UBE2W: variants seen among roughly 807,000 people sequenced by gnomAD.
UBE2W encodes ubiquitin conjugating enzyme E2 W, also known as ubiquitin-conjugating enzyme E2 W.
In UBE2W, 18 loss-of-function variants were observed where a neutral mutation model predicts 27.2. The observed-to-expected ratio is 0.66, with a 90% confidence interval of 0.46 to 0.98. UBE2W has a LOEUF of 0.98. Among genes scored for constraint, UBE2W ranks in the 50% least tolerant of loss-of-function variants. The pLI is 0.00. For missense variants in UBE2W, 90 were observed against 180.2 expected (o/e 0.50, Z 2.87); for synonymous variants, 53 against 57.2 (o/e 0.93, Z 0.33).
intron 1 of UBE2W, among the ~76,000 whole-genome samples, chr8:73,858,242 T>C (rs981035669): frequency 1.3e-5 from 2 of 151,756 alleles, no homozygotes; most frequent in Non-Finnish European, 2.9e-5. Context: ...ACACCTACAG[T>C]TCCAGCTACT....
At position 73,873,473 on chromosome 8, in the gene UBE2W, C is replaced by T. The variant is rs996253589; in HGVS notation, c.15+5335G>A. ...TGGAGTTCAAGGCCAACTTGAGCAA[C>T]AGGGAAAAAACCCATCTCTACAAAA... On this transcript the variant is annotated intron_variant, in intron 1 of 5. Transcript: ENST00000602593. Among the ~76,000 whole-genome samples, 7 of 152,090 alleles carry T rather than the reference C, an allele frequency of 4.6e-5. No homozygotes were observed. In the East Asian group the frequency reaches 7.7e-4, roughly 17 times the overall value.
chr8:73,794,226 C>T, intron 5 of UBE2W, 111 bp from the exon 6 acceptor site: 1 of 1,317,438 alleles, frequency 7.6e-7, no homozygotes, highest in Non-Finnish European at 1.0e-6. Context: ...ACATAGTTTA[C>T]ATGTCTGATC....
Position 73,790,812 on chromosome 8 carries a change from A to G in UBE2W, c.*3290T>C. 1 of 984,694 alleles carries G rather than the reference A, an allele frequency of 1.0e-6. No individual in the cohort carries two copies. The highest frequency in any genetic ancestry group is 1.2e-6 in the Non-Finnish European group (1 of 829,244). The allele number at this position is 984,694 out of a possible 1,614,324, so 61.0% of individuals were successfully genotyped here. ...CATTTTCATATCACTACTCATTTCC[A>G]TTATTTACCAATTCATCTTTGATGC... is the stretch of plus-strand genomic sequence containing the variant. On this transcript the variant is annotated 3_prime_UTR_variant, in exon 6 of 6. Transcript: ENST00000602593.
Position 73,850,675 on chromosome 8 carries a change from A to C in UBE2W, c.16-20203T>G, listed in dbSNP as rs184332690. Among the ~76,000 whole-genome samples, 357 of 149,574 alleles carry C rather than the reference A, an allele frequency of 2.4e-3. 1 individual carries two copies. The highest frequency in any genetic ancestry group is 7.9e-3 in the African/African-American group (322 of 40,798). ...AAGGATTACAAACATAAAATCCAAG[A>C]CAGCAATTTACTGTGGGAAGGAAAT... On this transcript the variant is annotated intron_variant, in intron 1 of 5. Coordinates refer to ENST00000602593, the MANE Select transcript of UBE2W (RefSeq NM_018299.6).
intron 3 of UBE2W, among the ~76,000 whole-genome samples, chr8:73,818,891 C>T (rs1462982524): frequency 6.6e-6 from 1 of 152,204 alleles, no homozygotes; most frequent in Admixed American, 6.5e-5. Flanking sequence ...TGGCACTATG[C>T]TTCTTGTACA....
chr8:73,792,370 C>A lies in UBE2W; in HGVS notation c.*1732G>T. 4.1e-6 allele frequency: 4 copies of A among 984,826 alleles called. No individual in the cohort carries two copies. The highest frequency in any genetic ancestry group is 4.8e-6 in the Non-Finnish European group (4 of 829,584). The allele number at this position is 984,826 out of a possible 1,614,324, so 61.0% of individuals were successfully genotyped here. A position where few individuals can be genotyped will look rare whatever the true frequency, so the allele number is the denominator to read the frequency against. ...TTTAATTTTTTTTTTCAAGTTATTT[C>A]TATAGCAGACATATTTTTGAAGTCT... On this transcript the variant is annotated 3_prime_UTR_variant, in exon 6 of 6. Transcript: ENST00000602593.
In UBE2W at chr8:73,790,922, T is replaced by G; in HGVS notation, c.*3180A>C. The G allele has an allele frequency of 1.0e-6, 1 of 980,828 alleles. No individual in the cohort carries two copies. The highest frequency in any genetic ancestry group is 1.2e-6 in the Non-Finnish European group (1 of 825,758). 60.8% of individuals were successfully genotyped at this position (980,828 alleles called of 1,614,324 possible). ...TCCACCACAGGAATCTAATGATATA[T>G]ATATTTGCATATATTTAAAATTTCA... On this transcript the variant is annotated 3_prime_UTR_variant, in exon 6 of 6. Transcript: ENST00000602593.
rs1808213068 is a variant in UBE2W, at chr8:73,791,769, T to C, written c.*2333A>G. On this transcript the variant is annotated 3_prime_UTR_variant, in exon 6 of 6. Coordinates refer to ENST00000602593, the MANE Select transcript of UBE2W (RefSeq NM_018299.6). ...TCCTATATTTTAGGATATTTCATCT[T>C]ATTTTCTACTCTTTAAACCATAAGA... The C allele has an allele frequency of 1.6e-5, 16 of 984,810 alleles. No individual in the cohort carries two copies. The highest frequency in any genetic ancestry group is 1.4e-5 in the Non-Finnish European group (12 of 829,468). The allele number at this position is 984,810 out of a possible 1,614,324, so 61.0% of individuals were successfully genotyped here.
intron 4 of UBE2W, among the ~76,000 whole-genome samples, chr8:73,808,954 T>G (rs1809032197): frequency 6.6e-6 from 1 of 152,182 alleles, no homozygotes; most frequent in Admixed American, 6.5e-5. Flanking sequence ...CTAATAATCA[T>G]GAGGCACATG....
At chr8:73,847,850 C>G (rs1810880982) in intron 1 of UBE2W, among the ~76,000 whole-genome samples, 1 of 151,570 alleles carries the variant, frequency 6.6e-6, no homozygotes, top group Non-Finnish European at 1.5e-5. Flanking sequence ...TGCCATGAGC[C>G]AAGATTGTGC....
intron 1 of UBE2W, among the ~76,000 whole-genome samples, chr8:73,837,923 A>C (rs1004384115): frequency 1.3e-5 from 2 of 151,946 alleles, no homozygotes; most frequent in Non-Finnish European, 2.9e-5. Flanking sequence ...ATTCCAGAAG[A>C]GGCTGTTTCC....
At chr8:73,837,645 G>A (rs1810363456) in intron 1 of UBE2W, among the ~76,000 whole-genome samples, 1 of 152,176 alleles carries the variant, frequency 6.6e-6, no homozygotes. Flanking sequence ...GTAGAGACAG[G>A]TTTTAGCTGT....
At chr8:73,845,791 G>C (rs1242005341) in intron 1 of UBE2W, among the ~76,000 whole-genome samples, 2 of 151,622 alleles carry the variant, frequency 1.3e-5, no homozygotes, top group African/African-American at 4.9e-5. Flanking sequence ...AAATTAGAAG[G>C]CTACCATTTT....
intron 1 of UBE2W, among the ~76,000 whole-genome samples, chr8:73,865,870 G>A (rs1811733757): frequency 6.6e-6 from 1 of 152,128 alleles, no homozygotes; most frequent in Non-Finnish European, 1.5e-5. Context: ...AGGCAAGGTG[G>A]TTATACTAGA....
intron 5 of UBE2W, among the ~76,000 whole-genome samples, chr8:73,803,853 G>T (rs1157390524): frequency 6.7e-6 from 1 of 150,012 alleles, no homozygotes; most frequent in Non-Finnish European, 1.5e-5. Context: ...TATGAGCTCC[G>T]CCTCCTGGGT....
At chr8:73,833,918 G>A (rs998392730) in intron 1 of UBE2W, 8 of 152,042 alleles carry the variant, frequency 5.3e-5, no homozygotes, top group African/African-American at 1.9e-4. Flanking sequence ...CCTCGCTCCC[G>A]AGAGGTCACC....
intron 3 of UBE2W, among the ~76,000 whole-genome samples, chr8:73,821,330 G>A (rs893922074): frequency 4.6e-5 from 7 of 151,988 alleles, no homozygotes; most frequent in Non-Finnish European, 7.4e-5. Flanking sequence ...GTTAAATTAT[G>A]AAGTACTATA....
At chr8:73,860,288 T>C (rs1347672391) in intron 1 of UBE2W, among the ~76,000 whole-genome samples, 2 of 152,208 alleles carry the variant, frequency 1.3e-5, no homozygotes, top group African/African-American at 4.8e-5. Flanking sequence ...ATTTTCCTTT[T>C]CAACCCAATT....
chr8:73,792,560 AC>A lies in UBE2W; in HGVS notation c.*1541del. On this transcript the variant is annotated 3_prime_UTR_variant, in exon 6 of 6. Transcript: ENST00000602593. ...GGTTTTACTGGGGTACGTATTTCAA[AC>A]CTTTCAGCCAACTGGCTTTCAGTTT... is the stretch of plus-strand genomic sequence containing the variant. 1 of 985,732 alleles carries A rather than the reference AC, an allele frequency of 1.0e-6. No homozygotes were observed. Among genetic ancestry groups the A allele is most frequent in the Non-Finnish European group, 1.2e-6 (1 of 829,830 alleles). 61.1% of individuals were successfully genotyped at this position (985,732 alleles called of 1,614,324 possible). A position where few individuals can be genotyped will look rare whatever the true frequency, so the allele number is the denominator to read the frequency against.
Sources: allele counts gnomAD v4.1 joint callset (sites outside exome capture counted in the v4.1 genomes callset), GRCh38; gene constraint gnomAD v4.1.1; transcripts MANE v1.5; gene names NCBI Gene and HGNC (gene_info 2026-07-23, HGNC 2026-07-21).